Variants in PUM2 observed in about 807,000 individuals in gnomAD.
The protein encoded by PUM2 is pumilio homolog 2.
In PUM2, 57 loss-of-function variants were observed where a neutral mutation model predicts 124.5. That is an observed-to-expected ratio of 0.46 (90% CI 0.37 to 0.57). The LOEUF is 0.57. Ranked by LOEUF, PUM2 falls within the 20% of genes least tolerant of loss-of-function variation. PUM2 has a pLI of 0.00. For synonymous variants in PUM2, 460 were observed against 446.1 expected (o/e 1.03, Z -0.39); for missense variants, 1,065 against 1,290.6 (o/e 0.83, Z 2.68).
Position 20,276,428 on chromosome 2 carries a change from A to G in PUM2, c.1957+2155T>C, listed in dbSNP as rs1670288101. ...ACATCTTAAAATAAAATCTCCCAGAAAAATAATCTGGAATTAATTCCAACC... is the reference window on the plus strand; with the variant it reads ...ACATCTTAAAATAAAATCTCCCAGAGAAATAATCTGGAATTAATTCCAACC... On this transcript the variant is annotated intron_variant, in intron 13 of 20. Transcript: ENST00000361078. Among the ~76,000 whole-genome samples, 3 of 152,144 alleles carry G rather than the reference A, an allele frequency of 2.0e-5. No homozygotes were observed. The South Asian group carries it at 6.2e-4, about 32-fold the overall frequency.
Position 20,253,984 on chromosome 2 carries a change from G to C in PUM2, c.2901C>G (p.Ala967=). The C allele has an allele frequency of 6.2e-7, 1 of 1,613,434 alleles. No individual in the cohort carries two copies. Among genetic ancestry groups the C allele is most frequent in the Non-Finnish European group, 8.5e-7 (1 of 1,179,792 alleles). Residue 967 remains alanine, a synonymous_variant, in exon 20 of 21, where the codon GCC becomes GCG. Transcript: ENST00000361078. ...TCAGTAAAGCTCTCTCAGCACGGGAGGCATGAGTAACACACTTTTCTACTA... is the reference window on the plus strand; with the variant it reads ...TCAGTAAAGCTCTCTCAGCACGGGACGCATGAGTAACACACTTTTCTACTA... The part of the protein sequence containing the change: ...SNVVEKCVTH[A]SRAERALLID...
At chr2:20,305,295 G>C (rs187134923) in intron 7 of PUM2, among the ~76,000 whole-genome samples, 26 of 151,818 alleles carry the variant, frequency 1.7e-4, no homozygotes, top group Non-Finnish European at 2.9e-4. Flanking sequence ...GACCAGCCTG[G>C]ACAATAGGGT....
intron 16 of PUM2, 151 bp downstream of exon 16, chr2:20,258,092 G>C (rs1199614293): frequency 7.0e-6 from 4 of 573,246 alleles, no homozygotes; most frequent in African/African-American, 5.8e-5. Flanking sequence ...CTAATTAGTA[G>C]TGTGCTATTT....
chr2:20,311,379 C>T (rs1268929242), intron 5 of PUM2, 115 bp downstream of exon 5: 4 of 1,213,374 alleles, frequency 3.3e-6, no homozygotes, highest in South Asian at 3.9e-5. Context: ...CAGATTAACA[C>T]AAAGTTCAAA....
chr2:20,282,755 TATAGTGAGTTAAAC>T (rs2148894110), intron 12 of PUM2, among the ~76,000 whole-genome samples, 178 bp downstream of exon 12: 1 of 152,302 alleles, frequency 6.6e-6, no homozygotes, highest in South Asian at 2.1e-4. Flanking sequence ...ACAGGCTGCC[TATAGTGAGTTAAAC>T]ATTGGTGAGT....
intron 7 of PUM2, among the ~76,000 whole-genome samples, chr2:20,305,987 G>A (rs548295287): frequency 2.2e-4 from 34 of 152,238 alleles, no homozygotes; most frequent in East Asian, 9.7e-4. Flanking sequence ...TTGGAAGGCC[G>A]AGGTGGGTGG....
intron 19 of PUM2, 51 bp from the exon 20 acceptor site, chr2:20,254,065 A>C: frequency 1.3e-6 from 2 of 1,498,616 alleles, no homozygotes; most frequent in Non-Finnish European, 9.1e-7. Context: ...TCTTCACAGC[A>C]AAATTTCCTT....
chr2:20,266,639 A>G (rs910292914), intron 13 of PUM2, among the ~76,000 whole-genome samples: 2 of 152,238 alleles, frequency 1.3e-5, no homozygotes, highest in African/African-American at 4.8e-5. Flanking sequence ...TACATTAGAC[A>G]TTTTAAATTT....
Position 20,341,246 on chromosome 2 carries a change from C to A in PUM2, c.-19+9351G>T, listed in dbSNP as rs542442009. On this transcript the variant is annotated intron_variant, in intron 1 of 20. Transcript: ENST00000361078. ...TTCTCTTTTGGAAATTTACCTTAAA[C>A]AAACAGCACCAACACAAATGAATTA... 1.1e-4 allele frequency among the ~76,000 whole-genome samples: 17 copies of A among 150,988 alleles called. No homozygotes were observed. The South Asian group carries it at 3.5e-3, about 31-fold the overall frequency.
Position 20,250,224 on chromosome 2 carries a change from A to T in PUM2, c.*1361T>A, listed in dbSNP as rs2148336404. The T allele has an allele frequency of 6.5e-6, 1 of 152,752 alleles. No individual in the cohort carries two copies. The highest frequency in any genetic ancestry group is 1.9e-4 in the East Asian group (1 of 5,194). 9.5% of individuals were successfully genotyped at this position (152,752 alleles called of 1,614,324 possible). Reference sequence around the variant, plus strand: ...CATATTAACAGTCAACAACTATGTTATAAAACAAAATGATCTCACAATAAT... The same window carrying T: ...CATATTAACAGTCAACAACTATGTTTTAAAACAAAATGATCTCACAATAAT... On this transcript the variant is annotated 3_prime_UTR_variant, in exon 21 of 21. Coordinates refer to ENST00000361078, the MANE Select transcript of PUM2 (RefSeq NM_015317.5).
chr2:20,347,054 T>A (rs1367368179), intron 1 of PUM2, among the ~76,000 whole-genome samples: 1 of 152,232 alleles, frequency 6.6e-6, no homozygotes, highest in Non-Finnish European at 1.5e-5. Flanking sequence ...CATTTTGATA[T>A]TTCCCAGTAC....
At chr2:20,253,658 G>A (rs1664037355) in intron 20 of PUM2, among the ~76,000 whole-genome samples, 164 bp downstream of exon 20, 1 of 151,936 alleles carries the variant, frequency 6.6e-6, no homozygotes, top group South Asian at 2.1e-4. Context: ...ATAACCTTAA[G>A]CATAAAAATG....
Position 20,254,082 on chromosome 2 carries a change from T to A in PUM2, c.2871-68A>T. 2.9e-6 allele frequency: 4 copies of A among 1,363,816 alleles called. No individual in the cohort carries two copies. The South Asian group carries it at 4.1e-5, about 14-fold the overall frequency. The allele number at this position is 1,363,816 out of a possible 1,614,324, so 84.5% of individuals were successfully genotyped here. Reference sequence around the variant, plus strand: ...TTCACAGCAAAATTTCCTTGACTTATAGAAAGAATCTTCTCCAATGAACAA... The same window carrying A: ...TTCACAGCAAAATTTCCTTGACTTAAAGAAAGAATCTTCTCCAATGAACAA... On this transcript the variant is annotated intron_variant, in intron 19 of 20. Transcript: ENST00000361078.
intron 13 of PUM2, among the ~76,000 whole-genome samples, chr2:20,270,571 A>G (rs1252410548): frequency 1.3e-5 from 2 of 152,174 alleles, no homozygotes; most frequent in Non-Finnish European, 2.9e-5. Context: ...CACACAAAAC[A>G]AAAACTCCAC....
At chr2:20,334,320 T>A (rs1369925241) in intron 1 of PUM2, among the ~76,000 whole-genome samples, 4 of 151,996 alleles carry the variant, frequency 2.6e-5, no homozygotes, top group African/African-American at 9.7e-5. Context: ...CTCAAAAAAA[T>A]TTTTTAAATT....
intron 1 of PUM2, among the ~76,000 whole-genome samples, chr2:20,339,675 T>C (rs918409603): frequency 6.6e-6 from 1 of 151,110 alleles, no homozygotes; most frequent in African/African-American, 2.4e-5. Context: ...AGGTCAGGAG[T>C]TCAAGACCAG....
chr2:20,328,821 T>C (rs1033114764), intron 1 of PUM2, among the ~76,000 whole-genome samples: 2 of 152,138 alleles, frequency 1.3e-5, no homozygotes, highest in African/African-American at 2.4e-5. Flanking sequence ...ACCTATAAAA[T>C]GTCAAAGCCA....
At position 20,293,310 on chromosome 2, in the gene PUM2, C is replaced by T. The variant is rs1053064830; in HGVS notation, c.1152+1066G>A. On this transcript the variant is annotated intron_variant, in intron 9 of 20. Coordinates refer to ENST00000361078, the MANE Select transcript of PUM2 (RefSeq NM_015317.5). ...TATATTTTAAGCTAATGTGACATTA[C>T]ATTTGTCCAAACATACAGATTACAA... is the stretch of plus-strand genomic sequence containing the variant. Among the ~76,000 whole-genome samples, 5 of 152,192 alleles carry T rather than the reference C, an allele frequency of 3.3e-5. No individual in the cohort carries two copies. In the East Asian group the frequency reaches 5.8e-4, roughly 18 times the overall value.
intron 12 of PUM2, among the ~76,000 whole-genome samples, chr2:20,279,033 C>G (rs1371720779): frequency 6.6e-6 from 1 of 152,036 alleles, no homozygotes; most frequent in Non-Finnish European, 1.5e-5. Flanking sequence ...CTTAACAGAG[C>G]AGTCATATGA....
Sources: allele counts gnomAD v4.1 joint callset (sites outside exome capture counted in the v4.1 genomes callset), GRCh38; gene constraint gnomAD v4.1.1; transcripts MANE v1.5; gene names NCBI Gene and HGNC (gene_info 2026-07-23, HGNC 2026-07-21).